Variants in MROH1 observed in about 807,000 individuals in gnomAD.
MROH1 encodes maestro heat like repeat family member 1.
A neutral mutation model predicts 116.5 loss-of-function variants in MROH1; 117 were observed. That is an observed-to-expected ratio of 1.00 (90% CI 0.86 to 1.17). MROH1 has a LOEUF of 1.17. MROH1 is among the 50% of genes most tolerant of loss of function. MROH1 has a pLI of 0.00. For missense variants in MROH1, 1,873 were observed against 1,338.5 expected, an observed-to-expected ratio of 1.40 and a Z score of -6.23; for synonymous variants, 921 against 583.9, an observed-to-expected ratio of 1.58 and a Z score of -8.32.
chr8:144,246,317 CT>C (rs1219243468), intron 29 of MROH1, among the ~76,000 whole-genome samples: 8 of 151,882 alleles, frequency 5.3e-5, no homozygotes, highest in African/African-American at 1.9e-4. Flanking sequence ...TCCTGTTGGC[CT>C]TGAACTGGTC....
chr8:144,218,323 C>G (rs765241948), intron 12 of MROH1, among the ~76,000 whole-genome samples: 1 of 152,038 alleles, frequency 6.6e-6, no homozygotes, highest in Non-Finnish European at 1.5e-5. Flanking sequence ...GCCAGTTTCT[C>G]CAGCAGCCTC....
chr8:144,168,555 T>TG lies in MROH1; in HGVS notation c.168+117dup, dbSNP rs1821586368. The TG allele has an allele frequency of 2.3e-6, 3 of 1,277,550 alleles. No homozygotes were observed. In the Admixed American group the frequency reaches 7.2e-5, roughly 31 times the overall value. The allele number at this position is 1,277,550 out of a possible 1,614,324, so 79.1% of individuals were successfully genotyped here. ...CAGTGGGTCGGGTGTTACGCAGGGGTGGCCACATGTCTAACCCCCTCCACA... is the reference window on the plus strand; with the variant it reads ...CAGTGGGTCGGGTGTTACGCAGGGGTGGGCCACATGTCTAACCCCCTCCACA... On this transcript the variant is annotated intron_variant, in intron 4 of 43. Coordinates refer to ENST00000326134, the MANE Select transcript of MROH1 (RefSeq NM_032450.3).
intron 37 of MROH1, 36 bp downstream of exon 37, chr8:144,259,390 G>A (rs2129980022): frequency 2.8e-6 from 2 of 714,532 alleles, no homozygotes; most frequent in East Asian, 2.7e-5. Flanking sequence ...GGGCACCAAG[G>A]TGGGGCTCCT....
In MROH1 at chr8:144,182,454, A is replaced by C. The variant is rs1825946412; in HGVS notation, c.562+1931A>C. On this transcript the variant is annotated intron_variant, in intron 7 of 43. Transcript: ENST00000326134. The surrounding 1 kb of genome is among the most constrained non-coding windows in gnomAD (Gnocchi z 4.1). ...TTCAGGGAGAAGAAAATAACAGAGA[A>C]AGAAAATCTCTGATTAATATCCTCA... Among the ~76,000 whole-genome samples the C allele has an allele frequency of 6.6e-6, 1 of 152,182 alleles. No individual in the cohort carries two copies. Among genetic ancestry groups the C allele is most frequent in the African/African-American group, 2.4e-5 (1 of 41,446 alleles).
At chr8:144,209,487 G>C (rs1229208799) in intron 12 of MROH1, among the ~76,000 whole-genome samples, 1 of 151,028 alleles carries the variant, frequency 6.6e-6, no homozygotes, top group Non-Finnish European at 1.5e-5. Flanking sequence ...GGCTGAGGCA[G>C]AGAATGGTGT....
intron 13 of MROH1, among the ~76,000 whole-genome samples, chr8:144,221,756 G>A (rs1311565040): frequency 1.3e-5 from 2 of 152,132 alleles, no homozygotes; most frequent in East Asian, 3.9e-4. Flanking sequence ...AGTCTGGGCA[G>A]TCTGAGACCA....
At chr8:144,169,072 C>T (rs1821756647) in intron 4 of MROH1, among the ~76,000 whole-genome samples, 1 of 152,230 alleles carries the variant, frequency 6.6e-6, no homozygotes, top group South Asian at 2.1e-4. Flanking sequence ...TTCGGCCTCG[C>T]CTGATCTTGG....
chr8:144,200,614 G>A, intron 12 of MROH1, 73 bp downstream of exon 12: 2 of 1,034,198 alleles, frequency 1.9e-6, no homozygotes, highest in Non-Finnish European at 2.9e-6. Context: ...GGCAGATTGT[G>A]TCCCTCTAAG....
chr8:144,153,414 C>G (rs1200194793), intron 1 of MROH1, among the ~76,000 whole-genome samples: 1 of 152,030 alleles, frequency 6.6e-6, no homozygotes, highest in Non-Finnish European at 1.5e-5. Context: ...CCAGTCTGGT[C>G]TCGAACTCCT....
intron 7 of MROH1, among the ~76,000 whole-genome samples, chr8:144,188,436 C>T (rs1235005491): frequency 7.2e-6 from 1 of 138,800 alleles, no homozygotes; most frequent in Non-Finnish European, 1.5e-5. Context: ...GGGTCAGGTG[C>T]TACCACTGCC....
At position 144,261,835 on chromosome 8, in the gene MROH1, A is replaced by G. The variant is rs1446702835; in HGVS notation, c.*95A>G. 1.4e-6 allele frequency: 1 copy of G among 699,084 alleles called. No homozygotes were observed. Among genetic ancestry groups the G allele is most frequent in the African/African-American group, 1.7e-5 (1 of 57,244 alleles). 43.3% of individuals were successfully genotyped at this position (699,084 alleles called of 1,614,324 possible). ...CTGAGGACCACAGCCTGGGCACACG[A>G]CTGGAGGGGCCTGGCCCCAGAACAG... On this transcript the variant is annotated 3_prime_UTR_variant, in exon 44 of 44. Coordinates refer to ENST00000326134, the MANE Select transcript of MROH1 (RefSeq NM_032450.3).
Position 144,261,332 on chromosome 8 carries a change from T to C in MROH1, c.4823T>C (p.Leu1608Pro). 1 of 711,146 alleles carries C rather than the reference T, an allele frequency of 1.4e-6. No homozygotes were observed. The highest frequency in any genetic ancestry group is 1.9e-5 in the Admixed American group (1 of 51,520). 44.1% of individuals were successfully genotyped at this position (711,146 alleles called of 1,614,324 possible). The change falls in exon 43 of 44, where the codon CTG becomes CCG. Residue 1608 changes from leucine to proline, a missense_variant. Physicochemically the swap from Leu to Pro is moderately conservative, Grantham distance 98. Coordinates refer to ENST00000326134, the MANE Select transcript of MROH1 (RefSeq NM_032450.3). ...SEPRQQPQVD[L>P]DQLIAALQIL... ...CCCAGGCAGCAGCCGCAGGTGGACC[T>C]GGACCAGCTCATTGCGGGTGAGCAC...
intron 2 of MROH1, among the ~76,000 whole-genome samples, chr8:144,162,458 C>A (rs553886495): frequency 2.0e-5 from 3 of 150,716 alleles, no homozygotes; most frequent in African/African-American, 7.3e-5. Flanking sequence ...TGCAGTGGTG[C>A]AATCTCGGTT....
chr8:144,150,549 C>T (rs984161005), intron 1 of MROH1, among the ~76,000 whole-genome samples: 8 of 152,244 alleles, frequency 5.3e-5, no homozygotes, highest in Non-Finnish European at 7.3e-5. Flanking sequence ...GTCCTCAGCA[C>T]GTCAGATGCT....
intron 2 of MROH1, among the ~76,000 whole-genome samples, chr8:144,162,825 T>TA (rs1389241178): frequency 6.8e-5 from 3 of 43,834 alleles, no homozygotes; most frequent in Non-Finnish European, 9.3e-5. Context: ...CAGGTTCAAG[T>TA]GATTCTCATG....
chr8:144,171,810 G>A (rs13269999), intron 4 of MROH1, among the ~76,000 whole-genome samples: 1,820 of 152,268 alleles, frequency 0.012, 14 homozygotes, highest in Middle Eastern at 0.048. Context: ...TTCCTAGTTG[G>A]GGGCCTCTCC....
chr8:144,231,728 C>A (rs374361536), intron 14 of MROH1, among the ~76,000 whole-genome samples: 1 of 152,262 alleles, frequency 6.6e-6, no homozygotes, highest in African/African-American at 2.4e-5. Context: ...CAAAATGTGA[C>A]ACAGAGACAC....
At chr8:144,179,703 G>A in intron 5 of MROH1, 117 bp downstream of exon 5, 6 of 1,312,720 alleles carry the variant, frequency 4.6e-6, no homozygotes, top group Non-Finnish European at 6.3e-6. Flanking sequence ...GCTGCCTTGG[G>A]CTGGCAGATG....
Position 144,238,171 on chromosome 8 carries a change from T to G in MROH1, c.1339-585T>G, listed in dbSNP as rs1388391613. Among the ~76,000 whole-genome samples the G allele has an allele frequency of 2.6e-4, 39 of 152,216 alleles. No homozygotes were observed. The East Asian group carries it at 2.9e-3, about 11-fold the overall frequency. On this transcript the variant is annotated intron_variant, in intron 14 of 43. Transcript: ENST00000326134. Reference sequence around the variant, plus strand: ...TTCAAGGCCTAAATATCACTGTTTTTTTTTTTTTTTCTGTGTGACTTTCAG... The same window carrying G: ...TTCAAGGCCTAAATATCACTGTTTTGTTTTTTTTTTCTGTGTGACTTTCAG...
Sources: gnomAD v4.1 joint callset for allele counts (sites outside exome capture counted in the v4.1 genomes callset) on GRCh38, gnomAD v4.1.1 for gene constraint, Gnocchi (gnomAD v3.1) non-coding constraint, MANE v1.5 for transcripts, NCBI Gene and HGNC (gene_info 2026-07-23, HGNC 2026-07-21) for gene names.